Variants in AKNA observed in about 807,000 individuals in gnomAD.
AKNA encodes microtubule organization protein AKNA.
In AKNA, 67 loss-of-function variants were observed where a neutral mutation model predicts 138.8. The observed-to-expected ratio is 0.48, with a 90% confidence interval of 0.40 to 0.59. The LOEUF (loss-of-function observed/expected upper bound fraction) is 0.59. Among genes scored for constraint, AKNA ranks in the 20% least tolerant of loss-of-function variants. The pLI, the probability that AKNA is intolerant of heterozygous loss-of-function variation, is 0.00. For missense variants in AKNA, 1,813 were observed against 1,880.4 expected (o/e 0.96, Z 0.66); for synonymous variants, 737 against 754.4 (o/e 0.98, Z 0.38).
At chr9:114,393,824 G>GGATAGGAAAAAGAAAGAGAGA (rs1309798070) in intron 1 of AKNA, among the ~76,000 whole-genome samples, 5 of 151,804 alleles carry the variant, frequency 3.3e-5, no homozygotes, top group African/African-American at 4.8e-5. Flanking sequence ...GAAGGAGACA[G>GGATAGGAAAAAGAAAGAGAGA]GATAGGAAAA....
At chr9:114,380,186 AC>A (rs1833535208) in intron 2 of AKNA, among the ~76,000 whole-genome samples, 2 of 152,244 alleles carry the variant, frequency 1.3e-5, no homozygotes, top group East Asian at 3.9e-4. Context: ...AATGGACATA[AC>A]CCCGGGACTA....
At chr9:114,355,499 G>A (rs924918023) in intron 14 of AKNA, among the ~76,000 whole-genome samples, 6 of 152,146 alleles carry the variant, frequency 3.9e-5, no homozygotes, top group Non-Finnish European at 5.9e-5. Flanking sequence ...TCATGTGACC[G>A]GCAGCGCAGT....
At chr9:114,377,648 A>C (rs1362818341) in intron 2 of AKNA, 116 bp from the exon 3 acceptor site, 2 of 1,060,690 alleles carry the variant, frequency 1.9e-6, no homozygotes, top group Non-Finnish European at 2.7e-6. Context: ...GGGGATGGAA[A>C]GAATCCCAAG....
At chr9:114,350,532 G>A (rs967650076) in intron 15 of AKNA, among the ~76,000 whole-genome samples, 5 of 152,158 alleles carry the variant, frequency 3.3e-5, no homozygotes, top group African/African-American at 4.8e-5. Flanking sequence ...TACAATCAAT[G>A]GTCAAATTGC....
intron 15 of AKNA, among the ~76,000 whole-genome samples, chr9:114,350,287 T>A (rs950681056): frequency 2.0e-5 from 3 of 151,676 alleles, no homozygotes; most frequent in Non-Finnish European, 2.9e-5. Flanking sequence ...CAAAGAAACC[T>A]TGGCTGGGCC....
At position 114,381,339 on chromosome 9, in the gene AKNA, C is replaced by T. The variant is rs1053602614; in HGVS notation, c.-6G>A. 1 of 1,562,332 alleles carries T rather than the reference C, an allele frequency of 6.4e-7. No individual in the cohort carries two copies. On this transcript the variant is annotated 5_prime_UTR_variant, in exon 2 of 22. Coordinates refer to ENST00000374088, the MANE Select transcript of AKNA (RefSeq NM_001317950.2). ...TCAGTCTCCGAGCTGGCCATTGGGG[C>T]TGGCCTGGGCTTCACCTGGGCCACT... is the stretch of plus-strand genomic sequence containing the variant.
At chr9:114,343,881 C>T in intron 18 of AKNA, 78 bp from the exon 19 acceptor site, 1 of 1,262,300 alleles carries the variant, frequency 7.9e-7, no homozygotes, top group African/African-American at 1.5e-5. Flanking sequence ...GAATAATGAT[C>T]TCCTCTTCCT....
In AKNA at chr9:114,335,771, C is replaced by CAAAAAAAAAAAAA. The variant is rs10610956; in HGVS notation, c.*1270_*1282dup. The CAAAAAAAAAAAAA allele has an allele frequency of 3.9e-5, 4 of 101,660 alleles. No homozygotes were observed. The highest frequency in any genetic ancestry group is 6.1e-5 in the Non-Finnish European group (3 of 49,196). The allele number at this position is 101,660 out of a possible 1,614,324, so 6.3% of individuals were successfully genotyped here. The stretch of plus-strand genomic sequence containing the variant: ...GGGCAACCAGAGCAAAACTCAGTCT[C>CAAAAAAAAAAAAA]AAAAAAAAAAAAAAAAAGAAAAAGA... On this transcript the variant is annotated 3_prime_UTR_variant, in exon 22 of 22. Transcript: ENST00000374088.
upstream of AKNA, among the ~76,000 whole-genome samples, chr9:114,398,106 A>G (rs1394388462): frequency 3.3e-5 from 3 of 92,038 alleles, no homozygotes; most frequent in African/African-American, 8.5e-5. This position sits in a 1 kb window ranked among gnomAD's most constrained non-coding sequence, Gnocchi z 4.2. Context: ...CACCAGCCCC[A>G]GCTGGAAAGA....
At chr9:114,330,550 G>A (rs376538069), downstream of AKNA, 20 of 1,612,696 alleles carry the variant, frequency 1.2e-5, no homozygotes, top group East Asian at 1.8e-4. Context: ...CAGAGGACAC[G>A]ATCTTTCTCA....
upstream of AKNA, among the ~76,000 whole-genome samples, chr9:114,398,133 C>A (rs2132170713): frequency 6.6e-6 from 1 of 152,262 alleles, no homozygotes; most frequent in Admixed American, 6.5e-5. The surrounding 1 kb of genome is among the most constrained non-coding windows in gnomAD (Gnocchi z 4.2). Context: ...GCCAACGCCC[C>A]CATTGTGCAG....
intron 6 of AKNA, 42 bp from the exon 7 acceptor site, chr9:114,364,661 G>T: frequency 6.3e-7 from 1 of 1,599,680 alleles, no homozygotes. Flanking sequence ...CATTAATCCA[G>T]TCCTGTAGAC....
At chr9:114,382,545 T>C (rs190104268) in intron 1 of AKNA, among the ~76,000 whole-genome samples, 1 of 144,496 alleles carries the variant, frequency 6.9e-6, no homozygotes, top group Non-Finnish European at 1.5e-5. Flanking sequence ...ACAGCGCCAC[T>C]GCACTCCAGC....
At chr9:114,344,963 T>C (rs1830583870) in intron 18 of AKNA, 1 of 149,382 alleles carries the variant, frequency 6.7e-6, no homozygotes, top group African/African-American at 2.6e-5. Flanking sequence ...CTCCCTCTTC[T>C]GCAAGGTGTC....
At chr9:114,347,513 G>T (rs1237034988) in intron 16 of AKNA, among the ~76,000 whole-genome samples, 1 of 152,178 alleles carries the variant, frequency 6.6e-6, no homozygotes. Context: ...CACTGCGCCC[G>T]GCCTATTCTT....
intron 19 of AKNA, 28 bp from the exon 20 acceptor site, chr9:114,342,153 G>C: frequency 6.7e-7 from 1 of 1,489,698 alleles, no homozygotes; most frequent in Non-Finnish European, 9.1e-7. Flanking sequence ...GATGTCAGGG[G>C]AGGATTACAT....
chr9:114,384,467 C>CA (rs1175293631), intron 1 of AKNA, among the ~76,000 whole-genome samples: 1 of 152,136 alleles, frequency 6.6e-6, no homozygotes, highest in Admixed American at 6.6e-5. Context: ...GTTTGAACCA[C>CA]ACAGGTCTAC....
At chr9:114,358,978 A>T (rs1048773657) in intron 11 of AKNA, 1 of 153,878 alleles carries the variant, frequency 6.5e-6, no homozygotes, top group African/African-American at 2.4e-5. Context: ...GTACAAAAAA[A>T]GAAAAATAAA....
upstream of AKNA, among the ~76,000 whole-genome samples, chr9:114,390,340 T>A (rs925458935): frequency 6.6e-6 from 1 of 152,054 alleles, no homozygotes; most frequent in Non-Finnish European, 1.5e-5. Flanking sequence ...GAGCTCCTAG[T>A]ATTGCCACCC....
Sources: allele counts gnomAD v4.1 joint callset (sites outside exome capture counted in the v4.1 genomes callset), GRCh38; gene constraint gnomAD v4.1.1; non-coding constraint Gnocchi (gnomAD v3.1); transcripts MANE v1.5; gene names NCBI Gene and HGNC (gene_info 2026-07-23, HGNC 2026-07-21).